VSIG10L2: variants seen among roughly 807,000 people sequenced by gnomAD.
VSIG10L2 encodes the protein V-set and immunoglobulin domain containing 10 like 2.
Under a neutral mutation model 67.1 loss-of-function variants are expected in VSIG10L2, and 56 were observed. The observed-to-expected ratio is 0.83, with a 90% CI of 0.67 to 1.04. The LOEUF (loss-of-function observed/expected upper bound fraction) is 1.04. VSIG10L2 is among the 50% of genes least tolerant of loss of function. The pLI is 0.00. For synonymous variants in VSIG10L2, 360 were observed against 396.6 expected, an observed-to-expected ratio of 0.91 and a Z score of 1.10; for missense variants, 843 against 932.8, an observed-to-expected ratio of 0.90 and a Z score of 1.25.
chr11:125,953,357 CA>C lies in VSIG10L2; in HGVS notation c.1496-41del, dbSNP rs1305829169. ...CCAATGCTGGCCAGCACCTTGTCCC[CA>C]AGCCCTCCCACTAGCCGGCCTCATC... On this transcript the variant is annotated intron_variant, in intron 6 of 11. Coordinates refer to ENST00000686984, the MANE Select transcript of VSIG10L2 (RefSeq NM_001365077.2). 4.9e-6 allele frequency: 6 copies of C among 1,231,174 alleles called. No individual in the cohort carries two copies. In the Admixed American group the frequency reaches 2.1e-4, roughly 43 times the overall value. 76.3% of individuals were successfully genotyped at this position (1,231,174 alleles called of 1,614,324 possible). A position where few individuals can be genotyped will look rare whatever the true frequency, so the allele number is the denominator to read the frequency against.
At chr11:125,952,540 G>A (rs1945391908) in intron 6 of VSIG10L2, among the ~76,000 whole-genome samples, 1 of 152,292 alleles carries the variant, frequency 6.6e-6, no homozygotes, top group Admixed American at 6.5e-5. Context: ...TATTGACGTG[G>A]CTGGTCACTA....
At position 125,953,432 on chromosome 11, in the gene VSIG10L2, G is replaced by T. The variant is rs564492084; in HGVS notation, c.1528G>T (p.Val510Leu). The T allele has an allele frequency of 4.1e-6, 5 of 1,232,410 alleles. No homozygotes were observed. Among genetic ancestry groups the T allele is most frequent in the Non-Finnish European group, 5.1e-6 (5 of 988,174 alleles). The allele number at this position is 1,232,410 out of a possible 1,614,324, so 76.3% of individuals were successfully genotyped here. A position where few individuals can be genotyped will look rare whatever the true frequency, so the allele number is the denominator to read the frequency against. Residue 510 changes from valine (V) to leucine (L), a missense_variant, in exon 7 of 12, where the codon GTG becomes TTG. This residue lies in a region of VSIG10L2 where 397 missense variants were observed against 384.4 expected (regional missense o/e 1.03). Transcript: ENST00000686984. ...ACAGCTGGACGTGGCTGAGCCCCGC[G>T]TGTCAGTGTTGGAGGGGGGAGAGGC... The part of the protein sequence containing the change: ...APQLDVAEPR[V>L]SVLEGGEAWL...
chr11:125,950,952 C>T lies in VSIG10L2; in HGVS notation c.1028C>T (p.Pro343Leu). The change falls in exon 5 of 12, where the codon CCT (proline) becomes CTT (leucine). Residue 343 changes from proline to leucine, a missense_variant. Pro to Leu is a moderately conservative substitution (Grantham distance 98). Around this residue, in one of 2 missense-constraint regions of VSIG10L2, gnomAD observed 446 missense variants for 548.4 expected, o/e 0.81. Transcript: ENST00000686984. Reference sequence around the variant, plus strand: ...CCCTCCTGTGCAGTGCATCCCAGCCCTGAGGCTGTGACCCTGCTCTGTGCC... The same window carrying T: ...CCCTCCTGTGCAGTGCATCCCAGCCTTGAGGCTGTGACCCTGCTCTGTGCC... ...GQPSCAVHPSPEAVTLLCAWP... is the reference protein window; with the variant it reads ...GQPSCAVHPSLEAVTLLCAWP... 1 of 1,232,358 alleles carries T rather than the reference C, an allele frequency of 8.1e-7. No homozygotes were observed. Among genetic ancestry groups the T allele is most frequent in the East Asian group, 3.2e-5 (1 of 31,698 alleles). The allele number at this position is 1,232,358 out of a possible 1,614,324, so 76.3% of individuals were successfully genotyped here.
Position 125,954,284 on chromosome 11 carries a change from C to A in VSIG10L2, c.1984C>A (p.Arg662=). The change falls in exon 8 of 12, where the codon CGG becomes AGG. Residue 662 remains arginine, a synonymous_variant. Transcript: ENST00000686984. ...TGACATCGAGCCAGAGAGCCGAGGACGGCGGCTGGGGGGCTTGGACCCCGG... is the reference window on the plus strand; with the variant it reads ...TGACATCGAGCCAGAGAGCCGAGGAAGGCGGCTGGGGGGCTTGGACCCCGG... ...ASDIEPESRG[R]RLGGLDPGVL... The A allele has an allele frequency of 8.1e-7, 1 of 1,232,266 alleles. No homozygotes were observed. The highest frequency in any genetic ancestry group is 1.5e-5 in the African/African-American group (1 of 64,538). The allele number at this position is 1,232,266 out of a possible 1,614,324, so 76.3% of individuals were successfully genotyped here.
At position 125,947,788 on chromosome 11, in the gene VSIG10L2, C is replaced by G. The variant is rs910748788; in HGVS notation, c.185C>G (p.Pro62Arg). The stretch of plus-strand genomic sequence containing the variant: ...CTGGCCTGTGGCTCAGGGCCTGCCC[C>G]GCTGCTGGTCCTCTGGAGCTTCACC... ...VELACGSGPA[P>R]LLVLWSFTPL... The change falls in exon 2 of 12, where the codon CCG becomes CGG. Residue 62 changes from proline (P) to arginine (R), a missense_variant. Physicochemically the swap from Pro to Arg is moderately radical, Grantham distance 103. Coordinates refer to ENST00000686984, the MANE Select transcript of VSIG10L2 (RefSeq NM_001365077.2). The G allele has an allele frequency of 3.2e-6, 4 of 1,232,532 alleles. No homozygotes were observed. The highest frequency in any genetic ancestry group is 4.0e-6 in the Non-Finnish European group (4 of 988,390). 76.3% of individuals were successfully genotyped at this position (1,232,532 alleles called of 1,614,324 possible).
At chr11:125,952,904 A>G (rs12223873) in intron 6 of VSIG10L2, among the ~76,000 whole-genome samples, 40,418 of 152,162 alleles carry the variant, frequency 0.27, 5,567 homozygotes, top group Non-Finnish European at 0.3. Context: ...TCAACCCCAA[A>G]TATTTCCTTC....
rs1451709115 is a variant in VSIG10L2, at chr11:125,955,164, C to G, written c.2191C>G (p.Pro731Ala). ...GGTGTTCCAGTATGCTGCCCGGCAC[C>G]CAGAGACTTTCCCCCGTGAGTGGGA... Reference protein sequence around the residue: ...LLVFQYAARHPETFPRLGQLL... With the variant: ...LLVFQYAARHAETFPRLGQLL... The change falls in exon 9 of 12, where the codon CCA becomes GCA. Residue 731 changes from proline (P) to alanine (A), a missense_variant. Physicochemically the swap from Pro to Ala is conservative, Grantham distance 27. Around this residue, in one of 2 missense-constraint regions of VSIG10L2, gnomAD observed 397 missense variants for 384.4 expected, o/e 1.03. Coordinates refer to ENST00000686984, the MANE Select transcript of VSIG10L2 (RefSeq NM_001365077.2). 1.6e-6 allele frequency: 2 copies of G among 1,250,780 alleles called. No individual in the cohort carries two copies. Among genetic ancestry groups the G allele is most frequent in the Non-Finnish European group, 2.0e-6 (2 of 999,404 alleles). The allele number at this position is 1,250,780 out of a possible 1,614,324, so 77.5% of individuals were successfully genotyped here.
rs1158885048 is a variant in VSIG10L2, at chr11:125,947,756, C to T, written c.153C>T (p.Ser51=). 2.3e-4 allele frequency: 286 copies of T among 1,232,306 alleles called. No homozygotes were observed. Among genetic ancestry groups the T allele is most frequent in the Non-Finnish European group, 2.9e-4 (282 of 988,200 alleles). The allele number at this position is 1,232,306 out of a possible 1,614,324, so 76.3% of individuals were successfully genotyped here. Reference sequence around the variant, plus strand: ...CTGTCCAGGGAGTGCGAGGTGGCTCCGTGGAGCTGGCCTGTGGCTCAGGGC... The same window carrying T: ...CTGTCCAGGGAGTGCGAGGTGGCTCTGTGGAGCTGGCCTGTGGCTCAGGGC... ...VVSVQGVRGG[S]VELACGSGPA... Residue 51 remains serine (S), a synonymous_variant, in exon 2 of 12, where the codon TCC becomes TCT. Transcript: ENST00000686984.
Position 125,954,127 on chromosome 11 carries a change from C to A in VSIG10L2, c.1827C>A (p.Thr609=). 8.1e-7 allele frequency: 1 copy of A among 1,232,312 alleles called. No individual in the cohort carries two copies. Among genetic ancestry groups the A allele is most frequent in the Non-Finnish European group, 1.0e-6 (1 of 988,100 alleles). The allele number at this position is 1,232,312 out of a possible 1,614,324, so 76.3% of individuals were successfully genotyped here. A position where few individuals can be genotyped will look rare whatever the true frequency, so the allele number is the denominator to read the frequency against. The part of the protein sequence containing the change: ...APPNVTISRL[T]YGRHRREVQL... ...CCAATGTCACCATCAGCCGCCTGACCTACGGGAGGCACCGGAGAGAGGTGC... is the reference window on the plus strand; with the variant it reads ...CCAATGTCACCATCAGCCGCCTGACATACGGGAGGCACCGGAGAGAGGTGC... Residue 609 remains threonine, a synonymous_variant, in exon 8 of 12, where the codon ACC becomes ACA. Coordinates refer to ENST00000686984, the MANE Select transcript of VSIG10L2 (RefSeq NM_001365077.2).
chr11:125,955,302 C>T, intron 9 of VSIG10L2, 123 bp downstream of exon 9: 1 of 1,287,636 alleles, frequency 7.8e-7, no homozygotes, highest in South Asian at 2.2e-5. Context: ...TAATTCAGAC[C>T]CTCTCCCCAG....
Position 125,950,922 on chromosome 11 carries a change from G to A in VSIG10L2, c.998G>A (p.Gly333Glu), listed in dbSNP as rs1388648615. ...VQLTIYYPPE[G>E]QPSCAVHPSP... ...CTTCCCCATCCAGATCCCCCTGAGG[G>A]ACAGCCCTCCTGTGCAGTGCATCCC... Residue 333 changes from glycine (G) to glutamate (E), a missense_variant, in exon 5 of 12, where the codon GGA (glycine) becomes GAA (glutamate). By Grantham distance (98) the Gly-to-Glu change is moderately conservative. This residue lies in a region of VSIG10L2 where 446 missense variants were observed against 548.4 expected (regional missense o/e 0.81). Transcript: ENST00000686984. The A allele has an allele frequency of 8.1e-7, 1 of 1,232,456 alleles. No homozygotes were observed. The highest frequency in any genetic ancestry group is 1.6e-5 in the African/African-American group (1 of 64,406). 76.3% of individuals were successfully genotyped at this position (1,232,456 alleles called of 1,614,324 possible).
intron 5 of VSIG10L2, 96 bp from the exon 6 acceptor site, chr11:125,951,717 A>G (rs1945374844): frequency 1.6e-6 from 2 of 1,233,058 alleles, no homozygotes; most frequent in Non-Finnish European, 2.2e-6. Context: ...TGAAGGAAGG[A>G]GGGAGTGAAG....
intron 1 of VSIG10L2, chr11:125,947,378 C>T: frequency 1.0e-6 from 1 of 977,656 alleles, no homozygotes; most frequent in Non-Finnish European, 1.2e-6. Context: ...ACTTGATAGT[C>T]TGGGGTGACG....
At position 125,955,909 on chromosome 11, in the gene VSIG10L2, C is replaced by T. The variant is rs1460939731; in HGVS notation, c.2377C>T (p.Pro793Ser). 3.0e-6 allele frequency: 2 copies of T among 661,826 alleles called. No individual in the cohort carries two copies. Among genetic ancestry groups the T allele is most frequent in the East Asian group, 2.7e-5 (1 of 37,044 alleles). The allele number at this position is 661,826 out of a possible 1,614,324, so 41.0% of individuals were successfully genotyped here. A position where few individuals can be genotyped will look rare whatever the true frequency, so the allele number is the denominator to read the frequency against. Residue 793 changes from proline to serine, a missense_variant, in exon 12 of 12, where the codon CCA becomes TCA. Coordinates refer to ENST00000686984, the MANE Select transcript of VSIG10L2 (RefSeq NM_001365077.2). Reference protein sequence around the residue: ...VNVTITVTATP With the variant: ...VNVTITVTATS ...TGTCACCATCACAGTGACTGCAACA[C>T]CATAAGGCCCAAAGAGGAAGATGCA...
In VSIG10L2 at chr11:125,954,361, T is replaced by C. The variant is rs1945421573; in HGVS notation, c.2061T>C (p.His687=). The C allele has an allele frequency of 8.1e-7, 1 of 1,232,000 alleles. No homozygotes were observed. Among genetic ancestry groups the C allele is most frequent in the Non-Finnish European group, 1.0e-6 (1 of 987,984 alleles). 76.3% of individuals were successfully genotyped at this position (1,232,000 alleles called of 1,614,324 possible). Residue 687 remains histidine, a synonymous_variant, in exon 8 of 12, where the codon CAT becomes CAC. Coordinates refer to ENST00000686984, the MANE Select transcript of VSIG10L2 (RefSeq NM_001365077.2). ...CTCTGAATCACCACACTGCAGGACATCCCTCTGAGGTGAAGATACCAGGTG... is the reference window on the plus strand; with the variant it reads ...CTCTGAATCACCACACTGCAGGACACCCCTCTGAGGTGAAGATACCAGGTG... ...ILALNHHTAG[H]PSEVKIPADP...
At chr11:125,953,141 C>T (rs1945400311) in intron 6 of VSIG10L2, among the ~76,000 whole-genome samples, 1 of 152,144 alleles carries the variant, frequency 6.6e-6, no homozygotes, top group Non-Finnish European at 1.5e-5. Flanking sequence ...CCTGCAGGAG[C>T]CGAGGCTAGG....
chr11:125,948,328 CGA>C lies in VSIG10L2; in HGVS notation c.458_459del (p.Arg153ProfsTer3). On this transcript the variant is annotated frameshift_variant, in exon 3 of 12. Transcript: ENST00000686984. LOFTEE classifies it high-confidence loss of function. ...VLVPVSKPQV[R>X]LSNPSPVEGA... Reference sequence around the variant, plus strand: ...AGTGCCGGTGTCCAAGCCTCAAGTGCGACTGAGTAACCCGTCCCCTGTGGAGG... The same window carrying C: ...AGTGCCGGTGTCCAAGCCTCAAGTGCCTGAGTAACCCGTCCCCTGTGGAGG... The C allele has an allele frequency of 1.6e-6, 2 of 1,232,614 alleles. No homozygotes were observed. Among genetic ancestry groups the C allele is most frequent in the Non-Finnish European group, 2.0e-6 (2 of 988,348 alleles). The allele number at this position is 1,232,614 out of a possible 1,614,324, so 76.4% of individuals were successfully genotyped here. A position where few individuals can be genotyped will look rare whatever the true frequency, so the allele number is the denominator to read the frequency against.
chr11:125,956,103 A>G lies in VSIG10L2; in HGVS notation c.*189A>G. On this transcript the variant is annotated 3_prime_UTR_variant, in exon 12 of 12. Coordinates refer to ENST00000686984, the MANE Select transcript of VSIG10L2 (RefSeq NM_001365077.2). ...CCCTAAGTGACATGGTTACAAGAGAAGCCCTGGCCCACCTTGTGGAAGACA... is the reference window on the plus strand; with the variant it reads ...CCCTAAGTGACATGGTTACAAGAGAGGCCCTGGCCCACCTTGTGGAAGACA... The G allele has an allele frequency of 1.5e-6, 1 of 684,228 alleles. No homozygotes were observed. The highest frequency in any genetic ancestry group is 2.7e-6 in the Non-Finnish European group (1 of 374,264). 42.4% of individuals were successfully genotyped at this position (684,228 alleles called of 1,614,324 possible).
chr11:125,949,900 C>T (rs778004033), intron 3 of VSIG10L2, 114 bp from the exon 4 acceptor site: 64 of 1,093,394 alleles, frequency 5.9e-5, no homozygotes, highest in Non-Finnish European at 7.1e-5. Flanking sequence ...GGGGTGGACA[C>T]GGGCCAGTGC....
Sources: allele counts gnomAD v4.1 joint callset (sites outside exome capture counted in the v4.1 genomes callset), GRCh38; gene constraint gnomAD v4.1.1; regional missense constraint gnomAD v4.1.1; transcripts MANE v1.5; gene names NCBI Gene and HGNC (gene_info 2026-07-23, HGNC 2026-07-21).